The following ADGRL3 variants were observed in gnomAD, a reference collection of about 807,000 sequenced individuals.
ADGRL3 encodes the protein calcium-independent alpha-latrotoxin receptor 3.
In ADGRL3, 62 loss-of-function variants were observed where a neutral mutation model predicts 153.5. The observed-to-expected ratio is 0.40, with a 90% CI of 0.33 to 0.50. The LOEUF (loss-of-function observed/expected upper bound fraction) is 0.50, where lower values mean the gene tolerates loss of function less well. Ranked by LOEUF, ADGRL3 falls within the 20% of genes least tolerant of loss-of-function variation. ADGRL3 has a pLI of 0.47. For missense variants in ADGRL3, 1,641 were observed against 1,859.4 expected (o/e 0.88, Z 2.16); for synonymous variants, 710 against 672.5 (o/e 1.06, Z -0.86).
chr4:61,442,090 A>AC (rs1261590963), intron 2 of ADGRL3, among the ~76,000 whole-genome samples: 1 of 152,098 alleles, frequency 6.6e-6, no homozygotes, highest in African/African-American at 2.4e-5. Flanking sequence ...AGTGAGTAAG[A>AC]CCCCCACCCA....
At chr4:61,947,226 T>TA (rs2098928667) in intron 16 of ADGRL3, 104 bp downstream of exon 16, 1 of 914,880 alleles carries the variant, frequency 1.1e-6, no homozygotes, top group Non-Finnish European at 1.6e-6. Context: ...CTATTTGACA[T>TA]ATAACAGTTC....
intron 9 of ADGRL3, among the ~76,000 whole-genome samples, chr4:61,880,842 T>A (rs1422100620): frequency 6.6e-6 from 1 of 152,172 alleles, no homozygotes; most frequent in Non-Finnish European, 1.5e-5. Flanking sequence ...AAAAATGAAA[T>A]GTTTAATGGC....
intron 1 of ADGRL3, among the ~76,000 whole-genome samples, chr4:61,373,002 C>T (rs970855329): frequency 3.9e-5 from 6 of 152,156 alleles, no homozygotes; most frequent in Admixed American, 1.3e-4. Flanking sequence ...CAGGTGCGGT[C>T]GGTCACCCCT....
intron 6 of ADGRL3, among the ~76,000 whole-genome samples, chr4:61,692,669 C>A (rs1316590755): frequency 5.3e-5 from 8 of 152,114 alleles, no homozygotes; most frequent in Admixed American, 5.2e-4. Context: ...GTCTCGAACT[C>A]CTGGCTTCAA....
intron 9 of ADGRL3, among the ~76,000 whole-genome samples, chr4:61,842,799 T>A (rs1449252133): frequency 3.9e-5 from 6 of 152,220 alleles, no homozygotes; most frequent in Non-Finnish European, 7.3e-5. Context: ...TGGATGATAA[T>A]TTTAGTATAA....
rs532243400 is a variant in ADGRL3 at position 61,438,764 on chromosome 4, G to C, written c.-174+55575G>C. On this transcript the variant is annotated intron_variant, in intron 2 of 26. Coordinates refer to ENST00000683033, the MANE Select transcript of ADGRL3 (RefSeq NM_001387552.1). ...GCTCTGTCGCCCAGGCTGGAGTGCA[G>C]TGGTGCGATCTCGGCTCACTGCAAG... Among the ~76,000 whole-genome samples the C allele has an allele frequency of 9.2e-3, 1,374 of 148,570 alleles. 19 individuals carry two copies. Among genetic ancestry groups the C allele is most frequent in the African/African-American group, 0.032 (1,301 of 40,208 alleles).
chr4:61,536,874 T>C (rs1157051232), intron 4 of ADGRL3, among the ~76,000 whole-genome samples: 1 of 152,098 alleles, frequency 6.6e-6, no homozygotes, highest in Non-Finnish European at 1.5e-5. Flanking sequence ...CTTAGGCTTT[T>C]TATATTCAAA....
At chr4:62,021,020 A>G (rs2099235479) in intron 21 of ADGRL3, among the ~76,000 whole-genome samples, 1 of 152,054 alleles carries the variant, frequency 6.6e-6, no homozygotes, top group South Asian at 2.1e-4. Flanking sequence ...TTAAAGATCA[A>G]CTCAGAGACA....
chr4:61,983,645 A>T, intron 19 of ADGRL3, 42 bp downstream of exon 19: 1 of 1,574,290 alleles, frequency 6.4e-7, no homozygotes. Flanking sequence ...TAGGTGAAAT[A>T]AAAGTGTTGG....
chr4:61,642,004 T>C (rs969629963), intron 5 of ADGRL3, among the ~76,000 whole-genome samples: 5 of 150,804 alleles, frequency 3.3e-5, no homozygotes, highest in African/African-American at 9.8e-5. Flanking sequence ...TGGTATCTCA[T>C]TGTGGTTTTG....
At chr4:61,665,467 TC>T (rs2094759847) in intron 5 of ADGRL3, among the ~76,000 whole-genome samples, 1 of 152,048 alleles carries the variant, frequency 6.6e-6, no homozygotes, top group South Asian at 2.1e-4. Context: ...TTTACTTTCT[TC>T]TGATTATGTT....
chr4:61,420,871 A>T (rs529353802), intron 2 of ADGRL3, among the ~76,000 whole-genome samples: 1 of 150,818 alleles, frequency 6.6e-6, no homozygotes, highest in African/African-American at 2.4e-5. Flanking sequence ...TATGACTTGT[A>T]TCAAAGAACA....
At chr4:61,366,570 T>TCCTAA (rs2096401303) in intron 1 of ADGRL3, among the ~76,000 whole-genome samples, 2 of 152,350 alleles carry the variant, frequency 1.3e-5, no homozygotes, top group African/African-American at 4.8e-5. Context: ...TAGTTGTGGA[T>TCCTAA]CCTAAATTGG....
chr4:61,567,983 A>T (rs1376705099), intron 4 of ADGRL3, among the ~76,000 whole-genome samples: 1 of 152,148 alleles, frequency 6.6e-6, no homozygotes, highest in African/African-American at 2.4e-5. Flanking sequence ...TGTCTTCCTC[A>T]TACCATTCTT....
intron 4 of ADGRL3, among the ~76,000 whole-genome samples, chr4:61,554,335 A>G (rs1254621801): frequency 6.6e-6 from 1 of 151,910 alleles, no homozygotes; most frequent in Non-Finnish European, 1.5e-5. Flanking sequence ...CTGGGATTAC[A>G]GGCGCGTGCC....
chr4:61,851,656 G>A (rs2098205284), intron 9 of ADGRL3, among the ~76,000 whole-genome samples: 1 of 151,596 alleles, frequency 6.6e-6, no homozygotes, highest in African/African-American at 2.4e-5. Flanking sequence ...TCATTTTCAG[G>A]GGACAATTAC....
chr4:61,683,714 A>T (rs771048373), intron 6 of ADGRL3, among the ~76,000 whole-genome samples: 3 of 152,190 alleles, frequency 2.0e-5, no homozygotes, highest in Non-Finnish European at 4.4e-5. Context: ...ATCCAGTCCA[A>T]GGATTTAACT....
intron 4 of ADGRL3, among the ~76,000 whole-genome samples, chr4:61,541,465 A>G (rs758734718): frequency 4.1e-5 from 6 of 146,114 alleles, no homozygotes; most frequent in Non-Finnish European, 7.4e-5. Context: ...GCCATTTTAT[A>G]TCTTTGAAAG....
At chr4:61,952,513 T>G (rs2098950959) in intron 17 of ADGRL3, among the ~76,000 whole-genome samples, 1 of 152,036 alleles carries the variant, frequency 6.6e-6, no homozygotes, top group African/African-American at 2.4e-5. Flanking sequence ...TCCAAAATTT[T>G]ATTTGACTCA....
Sources: allele counts gnomAD v4.1 joint callset (sites outside exome capture counted in the v4.1 genomes callset), GRCh38; gene constraint gnomAD v4.1.1; transcripts MANE v1.5; gene names NCBI Gene and HGNC (gene_info 2026-07-23, HGNC 2026-07-21).